The following SNPH variants were observed in gnomAD, a reference collection of about 807,000 sequenced individuals.
SNPH encodes the protein syntaphilin.
In SNPH, 10 loss-of-function variants were observed where a neutral mutation model predicts 36.8. The ratio of observed to expected loss-of-function variants is 0.27; its 90% CI spans 0.17 to 0.46. The LOEUF is 0.46. SNPH is among the 20% of genes least tolerant of loss of function. The probability of loss-of-function intolerance (pLI) is 1.00; values close to 1 mark genes in which losing one functional copy is unlikely to be tolerated. For synonymous variants in SNPH, 281 were observed against 312.2 expected, an observed-to-expected ratio of 0.90 and a Z score of 1.05; for missense variants, 622 against 744.0, an observed-to-expected ratio of 0.84 and a Z score of 1.91.
chr20:1,266,751 G>C lies in SNPH; in HGVS notation c.-502G>C. ...GAGCCGGCGGGGCTGCGGAGGGCCA[G>C]TGGACTCAGGTGAGGAGGCCGCGGC... On this transcript the variant is annotated 5_prime_UTR_variant, in exon 2 of 7. Transcript: ENST00000381867. The surrounding 1 kb of genome is among the most constrained non-coding windows in gnomAD (Gnocchi z 6.0). The C allele has an allele frequency of 7.2e-7, 1 of 1,383,330 alleles. No homozygotes were observed. The highest frequency in any genetic ancestry group is 1.7e-5 in the South Asian group (1 of 57,810). The allele number at this position is 1,383,330 out of a possible 1,614,324, so 85.7% of individuals were successfully genotyped here.
In SNPH at chr20:1,300,426, T is replaced by C. The variant is rs1600263311; in HGVS notation, c.291-136T>C. The C allele has an allele frequency of 3.0e-5, 26 of 868,022 alleles. No individual in the cohort carries two copies. In the East Asian group the frequency reaches 6.9e-4, roughly 23 times the overall value. 53.8% of individuals were successfully genotyped at this position (868,022 alleles called of 1,614,324 possible). ...CCAGAAGGCTGGGGGTTCTCCTGCC[T>C]TGTGTGGGAGGCCTGGCTTGGAGCA... is the stretch of plus-strand genomic sequence containing the variant. On this transcript the variant is annotated intron_variant, in intron 5 of 6. Coordinates refer to ENST00000381867, the MANE Select transcript of SNPH (RefSeq NM_001318234.2).
chr20:1,291,743 TTTC>T lies in SNPH; in HGVS notation c.-492-3202_-492-3200del, dbSNP rs536358037. Among the ~76,000 whole-genome samples the T allele has an allele frequency of 2.0e-5, 3 of 152,364 alleles. No individual in the cohort carries two copies. In the South Asian group the frequency reaches 6.2e-4, roughly 32 times the overall value. On this transcript the variant is annotated intron_variant, in intron 2 of 6. Transcript: ENST00000381867. ...CTGTTCCCTCGGATTTTAGGATAGC[TTTC>T]TTCTTGTATCAATGGCTAATTCTTT...
intron 2 of SNPH, among the ~76,000 whole-genome samples, chr20:1,291,682 G>T: frequency 6.6e-6 from 1 of 152,226 alleles, no homozygotes; most frequent in East Asian, 1.9e-4. Context: ...GCTTTCCACA[G>T]CTGTCAGTGG....
intron 2 of SNPH, among the ~76,000 whole-genome samples, chr20:1,281,269 G>A (rs943593653): frequency 6.6e-6 from 1 of 152,052 alleles, no homozygotes; most frequent in East Asian, 1.9e-4. Flanking sequence ...AACCTCTATA[G>A]CCTTCGTTAA....
chr20:1,300,473 G>A (rs2088491932), intron 5 of SNPH, 89 bp from the exon 6 acceptor site: 1 of 1,433,180 alleles, frequency 7.0e-7, no homozygotes, highest in Non-Finnish European at 9.7e-7. Context: ...GGGATGGTGA[G>A]GCTGGTGTCC....
rs912106 is a variant in SNPH, at chr20:1,292,074, T to C, written c.-492-2877T>C. Among the ~76,000 whole-genome samples the C allele has an allele frequency of 1.1e-3, 175 of 152,368 alleles. 1 individual carries two copies. Among genetic ancestry groups the C allele is most frequent in the Non-Finnish European group, 2.2e-3 (147 of 68,026 alleles). ...TGACTCTTTGGTCTATTCAATGTGC[T>C]TGTTTAAACCATTGTATTACCAACA... On this transcript the variant is annotated intron_variant, in intron 2 of 6. Transcript: ENST00000381867.
chr20:1,305,937 C>T lies in SNPH; in HGVS notation c.1500C>T (p.Asn500=). The change falls in exon 7 of 7, where the codon AAC becomes AAT. Residue 500 remains asparagine (N), a synonymous_variant. Transcript: ENST00000381867. The part of the protein sequence containing the change: ...SQRRQGQPIY[N]ISSLLRGCCT... ...GGCGCCAGGGCCAGCCCATCTACAACATCAGCTCCCTGCTGCGGGGCTGCT... is the reference window on the plus strand; with the variant it reads ...GGCGCCAGGGCCAGCCCATCTACAATATCAGCTCCCTGCTGCGGGGCTGCT... 6.3e-7 allele frequency: 1 copy of T among 1,589,396 alleles called. No homozygotes were observed.
chr20:1,296,186 G>A lies in SNPH; in HGVS notation c.-54G>A. 1 of 1,430,498 alleles carries A rather than the reference G, an allele frequency of 7.0e-7. No individual in the cohort carries two copies. The highest frequency in any genetic ancestry group is 9.2e-7 in the Non-Finnish European group (1 of 1,084,226). 88.6% of individuals were successfully genotyped at this position (1,430,498 alleles called of 1,614,324 possible). On this transcript the variant is annotated 5_prime_UTR_variant, in exon 4 of 7. Coordinates refer to ENST00000381867, the MANE Select transcript of SNPH (RefSeq NM_001318234.2). Reference sequence around the variant, plus strand: ...CAATTCACTGGTGGAGGCAGCCGTGGTCTGCCAGGCCCTCGCTCCTGGGGT... The same window carrying A: ...CAATTCACTGGTGGAGGCAGCCGTGATCTGCCAGGCCCTCGCTCCTGGGGT...
chr20:1,290,297 C>T (rs2088343567), intron 2 of SNPH, among the ~76,000 whole-genome samples: 1 of 152,178 alleles, frequency 6.6e-6, no homozygotes, highest in Non-Finnish European at 1.5e-5. Flanking sequence ...CCACTAGCTA[C>T]TTCTAAAACG....
Position 1,293,688 on chromosome 20 carries a change from G to A in SNPH, c.-492-1263G>A, listed in dbSNP as rs572164390. On this transcript the variant is annotated intron_variant, in intron 2 of 6. Transcript: ENST00000381867. ...GGTCCCATCCCAGCAGGGGAAATGC[G>A]TCTTCCACCTTTGTCCCTAATGAAT... is the stretch of plus-strand genomic sequence containing the variant. Among the ~76,000 whole-genome samples the A allele has an allele frequency of 2.5e-3, 377 of 152,320 alleles. 3 individuals are homozygous for A. The highest frequency in any genetic ancestry group is 4.4e-3 in the Non-Finnish European group (297 of 68,014).
intron 2 of SNPH, among the ~76,000 whole-genome samples, chr20:1,286,998 T>G (rs545409533): frequency 7.5e-4 from 114 of 152,306 alleles, no homozygotes; most frequent in African/African-American, 2.6e-3. Context: ...GGGCACCATC[T>G]TTCCTTGGGA....
chr20:1,278,395 A>G (rs2088178252), intron 2 of SNPH, among the ~76,000 whole-genome samples: 1 of 152,080 alleles, frequency 6.6e-6, no homozygotes, highest in Non-Finnish European at 1.5e-5. Context: ...AATATAGTTG[A>G]TATACAAGCT....
chr20:1,273,773 G>A (rs1288034161), intron 2 of SNPH, among the ~76,000 whole-genome samples: 1 of 152,142 alleles, frequency 6.6e-6, no homozygotes. Flanking sequence ...GAAAGGCAAC[G>A]TAAAGATGGG....
intron 2 of SNPH, among the ~76,000 whole-genome samples, chr20:1,284,278 T>C (rs768049347): frequency 7.9e-5 from 12 of 152,218 alleles, no homozygotes; most frequent in Non-Finnish European, 1.5e-4. Flanking sequence ...CCCCCTTTTG[T>C]TGACTTGCTA....
chr20:1,266,395 C>A lies in SNPH; in HGVS notation c.-602C>A, dbSNP rs949736643. The stretch of plus-strand genomic sequence containing the variant: ...GCAGCTGAAGCCATGGAAGCCTCCG[C>A]AGGTGATGACAAGGACCCCGGGGAT... On this transcript the variant is annotated splice_region_variant and 5_prime_UTR_variant, in exon 1 of 7. Transcript: ENST00000381867. The surrounding 1 kb of genome is among the most constrained non-coding windows in gnomAD (Gnocchi z 6.0). The A allele has an allele frequency of 2.5e-6, 1 of 403,836 alleles. No individual in the cohort carries two copies. Among genetic ancestry groups the A allele is most frequent in the Non-Finnish European group, 4.4e-6 (1 of 229,700 alleles). The allele number at this position is 403,836 out of a possible 1,614,324, so 25.0% of individuals were successfully genotyped here.
At chr20:1,284,099 G>A (rs1225025730) in intron 2 of SNPH, among the ~76,000 whole-genome samples, 1 of 152,214 alleles carries the variant, frequency 6.6e-6, no homozygotes, top group Admixed American at 6.5e-5. Context: ...CTGAGCTCTT[G>A]CATATAGTCA....
rs534754750 is a variant in SNPH at position 1,290,413 on chromosome 20, A to G, written c.-492-4538A>G. ...GTCTGTGTGCATTTGCCTGTGCTGG[A>G]TATTTCATATAAATGGAATCATGCA... On this transcript the variant is annotated intron_variant, in intron 2 of 6. Transcript: ENST00000381867. Among the ~76,000 whole-genome samples the G allele has an allele frequency of 1.4e-3, 206 of 152,280 alleles. 3 individuals carry two copies. The highest frequency in any genetic ancestry group is 4.5e-3 in the African/African-American group (186 of 41,552).
intron 5 of SNPH, 59 bp downstream of exon 5, chr20:1,297,311 G>A: frequency 6.5e-7 from 1 of 1,542,746 alleles, no homozygotes; most frequent in South Asian, 1.2e-5. Flanking sequence ...TTGTCCTGGG[G>A]TGGGAGAGGT....
At chr20:1,300,827 G>C in intron 6 of SNPH, 116 bp downstream of exon 6, 1 of 1,035,318 alleles carries the variant, frequency 9.7e-7, no homozygotes, top group Non-Finnish European at 1.4e-6. Flanking sequence ...CCCAGCATCC[G>C]TCTGCTCTCT....
Sources: allele counts gnomAD v4.1 joint callset (sites outside exome capture counted in the v4.1 genomes callset), GRCh38; gene constraint gnomAD v4.1.1; non-coding constraint Gnocchi (gnomAD v3.1); transcripts MANE v1.5; gene names NCBI Gene and HGNC (gene_info 2026-07-23, HGNC 2026-07-21).